The following DZIP1 variants were observed in gnomAD, a reference collection of about 807,000 sequenced individuals.
DZIP1 encodes cilium assembly protein DZIP1.
DZIP1 carries 97 observed loss-of-function variants against 107.6 expected under a neutral mutation model. The ratio of observed to expected loss-of-function variants is 0.90; its 90% confidence interval spans 0.77 to 1.07. The LOEUF (loss-of-function observed/expected upper bound fraction) is 1.07. Among genes scored for constraint, DZIP1 ranks in the 50% least tolerant of loss-of-function variants. The probability of loss-of-function intolerance (pLI) is 0.00; values close to 1 mark genes in which losing one functional copy is unlikely to be tolerated. For missense variants in DZIP1, 1,035 were observed against 1,063.6 expected (o/e 0.97, Z 0.37); for synonymous variants, 390 against 386.4 (o/e 1.01, Z -0.11).
intron 14 of DZIP1, among the ~76,000 whole-genome samples, chr13:95,603,028 A>C (rs2044664380): frequency 6.6e-6 from 1 of 152,186 alleles, no homozygotes; most frequent in Non-Finnish European, 1.5e-5. Flanking sequence ...GTCTAATAAA[A>C]ATGTTTCTAA....
intron 20 of DZIP1, 33 bp downstream of exon 20, chr13:95,587,506 G>A (rs760772618): frequency 1.2e-6 from 2 of 1,607,480 alleles, no homozygotes; most frequent in Non-Finnish European, 1.7e-6. Flanking sequence ...CCTAAATACA[G>A]TTTCCAGAGA....
chr13:95,584,563 A>G (rs1353366078), intron 22 of DZIP1, 173 bp downstream of exon 22: 3 of 1,222,632 alleles, frequency 2.5e-6, no homozygotes, highest in Non-Finnish European at 3.1e-6. Flanking sequence ...AAGTAAATAT[A>G]TATGAATCAG....
chr13:95,639,156 T>C (rs1878187467), intron 5 of DZIP1, among the ~76,000 whole-genome samples: 1 of 152,192 alleles, frequency 6.6e-6, no homozygotes, highest in Non-Finnish European at 1.5e-5. Flanking sequence ...CAATTAATAT[T>C]CCCATTTCAC....
At chr13:95,596,264 A>T (rs1370996342) in intron 15 of DZIP1, among the ~76,000 whole-genome samples, 1 of 152,196 alleles carries the variant, frequency 6.6e-6, no homozygotes, top group Non-Finnish European at 1.5e-5. Context: ...CTTTCTAAAG[A>T]CTAGCATTTC....
chr13:95,632,450 C>A (rs1215030332), intron 6 of DZIP1, among the ~76,000 whole-genome samples: 5 of 152,132 alleles, frequency 3.3e-5, no homozygotes, highest in African/African-American at 1.2e-4. Context: ...TACAACTTCA[C>A]CTGCCCACCT....
At chr13:95,597,564 G>T (rs1027807613) in intron 15 of DZIP1, among the ~76,000 whole-genome samples, 6 of 152,140 alleles carry the variant, frequency 3.9e-5, no homozygotes, top group Non-Finnish European at 5.9e-5. Context: ...TCAACCTATA[G>T]GGCTCAGAAG....
chr13:95,584,527 T>C (rs1566355934), intron 22 of DZIP1: 17 of 961,746 alleles, frequency 1.8e-5, no homozygotes, highest in Non-Finnish European at 2.2e-5. Context: ...GACTAAAGAT[T>C]AGTCCTATAA....
intron 9 of DZIP1, among the ~76,000 whole-genome samples, chr13:95,620,871 G>C (rs1355412685): frequency 6.6e-6 from 1 of 152,224 alleles, no homozygotes; most frequent in Non-Finnish European, 1.5e-5. Context: ...TGAGCGACCA[G>C]CTGTAGTCTA....
intron 10 of DZIP1, among the ~76,000 whole-genome samples, chr13:95,615,867 G>T (rs944304404): frequency 1.3e-5 from 2 of 152,146 alleles, no homozygotes; most frequent in Non-Finnish European, 2.9e-5. Flanking sequence ...CTACTTCACA[G>T]AACTCTTAGA....
intron 10 of DZIP1, among the ~76,000 whole-genome samples, chr13:95,615,723 G>C (rs1235792309): frequency 6.6e-6 from 1 of 152,176 alleles, no homozygotes; most frequent in Non-Finnish European, 1.5e-5. Context: ...ACAGGTGAGT[G>C]CCTGGAGCTA....
At position 95,581,984 on chromosome 13, in the gene DZIP1, C is replaced by G; in HGVS notation, c.*250G>C. ...CTGAAGAAAAAACTTTTTATGACTT[C>G]AATGACATGTTATTTTTAAGCAGCA... is the stretch of plus-strand genomic sequence containing the variant. On this transcript the variant is annotated 3_prime_UTR_variant, in exon 23 of 23. Transcript: ENST00000376829. 1.1e-5 allele frequency: 4 copies of G among 361,264 alleles called. No homozygotes were observed. The highest frequency in any genetic ancestry group is 2.0e-5 in the Non-Finnish European group (4 of 201,762). 22.4% of individuals were successfully genotyped at this position (361,264 alleles called of 1,614,324 possible). A position where few individuals can be genotyped will look rare whatever the true frequency, so the allele number is the denominator to read the frequency against.
rs1446668721 is a variant in DZIP1 at position 95,642,088 on chromosome 13, A to C, written c.-59T>G. On this transcript the variant is annotated 5_prime_UTR_variant, in exon 4 of 23. Transcript: ENST00000376829. Reference sequence around the variant, plus strand: ...CCGCCTCCCGGGCCGCCGCCGCCACAGCCCTCAGGAGCGGGAGAAGGCCGG... The same window carrying C: ...CCGCCTCCCGGGCCGCCGCCGCCACCGCCCTCAGGAGCGGGAGAAGGCCGG... 2.8e-6 allele frequency: 4 copies of C among 1,454,002 alleles called. No homozygotes were observed. In the Admixed American group the frequency reaches 1.2e-4, roughly 45 times the overall value. 90.1% of individuals were successfully genotyped at this position (1,454,002 alleles called of 1,614,324 possible).
chr13:95,636,236 A>G (rs199668953), intron 5 of DZIP1, among the ~76,000 whole-genome samples: 2 of 152,204 alleles, frequency 1.3e-5, no homozygotes, highest in East Asian at 3.9e-4. Context: ...TGCAGAACAA[A>G]TAAATAAGAA....
At chr13:95,582,602 C>T (rs1019062207) in intron 22 of DZIP1, among the ~76,000 whole-genome samples, 1 of 152,202 alleles carries the variant, frequency 6.6e-6, no homozygotes, top group African/African-American at 2.4e-5. Flanking sequence ...CCTTCCCCAG[C>T]ATTCAGCTCA....
Position 95,642,248 on chromosome 13 carries a change from G to C in DZIP1, c.-212-7C>G. On this transcript the variant is annotated splice_polypyrimidine_tract_variant and splice_region_variant and intron_variant, in intron 3 of 22. Coordinates refer to ENST00000376829, the MANE Select transcript of DZIP1 (RefSeq NM_198968.4). ...TCAGCGTGCACCCAGAACCCTGCGG[G>C]ACCAGAGAAGACCTCTTGGACGAGC... 1 of 519,664 alleles carries C rather than the reference G, an allele frequency of 1.9e-6. No homozygotes were observed. The highest frequency in any genetic ancestry group is 3.3e-6 in the Non-Finnish European group (1 of 305,828). The allele number at this position is 519,664 out of a possible 1,614,324, so 32.2% of individuals were successfully genotyped here. A position where few individuals can be genotyped will look rare whatever the true frequency, so the allele number is the denominator to read the frequency against.
chr13:95,634,745 C>T (rs1877591766), intron 5 of DZIP1, among the ~76,000 whole-genome samples: 1 of 152,100 alleles, frequency 6.6e-6, no homozygotes, highest in Non-Finnish European at 1.5e-5. Context: ...AATCATAATA[C>T]CATTATTCCA....
intron 13 of DZIP1, among the ~76,000 whole-genome samples, chr13:95,607,053 T>C (rs1426523027): frequency 1.3e-5 from 2 of 151,100 alleles, no homozygotes; most frequent in African/African-American, 4.9e-5. Context: ...TTTTATTTTA[T>C]TTTTTTTTAA....
intron 13 of DZIP1, 65 bp from the exon 14 acceptor site, chr13:95,606,124 A>T: frequency 6.5e-7 from 1 of 1,536,756 alleles, no homozygotes; most frequent in Non-Finnish European, 9.0e-7. Context: ...TCCGAACATG[A>T]TGGTAGCCAA....
At chr13:95,598,928 G>A (rs1433416689) in intron 15 of DZIP1, among the ~76,000 whole-genome samples, 1 of 152,108 alleles carries the variant, frequency 6.6e-6, no homozygotes, top group Non-Finnish European at 1.5e-5. Flanking sequence ...TAGACATGAT[G>A]CTTTTCTTGC....
Sources: allele counts gnomAD v4.1 joint callset (sites outside exome capture counted in the v4.1 genomes callset), GRCh38; gene constraint gnomAD v4.1.1; transcripts MANE v1.5; gene names NCBI Gene and HGNC (gene_info 2026-07-23, HGNC 2026-07-21).